UNC79: variants seen among roughly 807,000 people sequenced by gnomAD.
UNC79 encodes the protein unc-79 subunit of NALCN channel complex.
A neutral mutation model predicts 283.1 loss-of-function variants in UNC79; 37 were observed. The observed-to-expected ratio is 0.13, with a 90% confidence interval of 0.10 to 0.17. UNC79 has a LOEUF of 0.17. UNC79 is among the 10% of genes least tolerant of loss of function. The pLI, the probability that UNC79 is intolerant of heterozygous loss-of-function variation, is 1.00. For synonymous variants in UNC79, 1,107 were observed against 1,200.2 expected, an observed-to-expected ratio of 0.92 and a Z score of 1.61; for missense variants, 2,272 against 3,211.1, an observed-to-expected ratio of 0.71 and a Z score of 7.07.
chr14:93,567,211 C>T (rs1392967374), intron 14 of UNC79, among the ~76,000 whole-genome samples: 2 of 151,994 alleles, frequency 1.3e-5, no homozygotes, highest in Admixed American at 1.3e-4. Flanking sequence ...TATTTCTGTA[C>T]TCACTTTTCT....
At chr14:93,663,686 G>A (rs753059113) in intron 40 of UNC79, among the ~76,000 whole-genome samples, 1 of 152,090 alleles carries the variant, frequency 6.6e-6, no homozygotes, top group Admixed American at 6.6e-5. Context: ...CCTGCCTGGA[G>A]CAATATGTTT....
intron 7 of UNC79, among the ~76,000 whole-genome samples, chr14:93,500,152 C>T (rs1160780433): frequency 2.0e-5 from 3 of 152,166 alleles, no homozygotes; most frequent in Admixed American, 6.5e-5. Context: ...AAACTGACAG[C>T]CACTTCCACC....
chr14:93,395,887 A>G (rs1172376560), intron 1 of UNC79, among the ~76,000 whole-genome samples: 1 of 151,776 alleles, frequency 6.6e-6, no homozygotes, highest in Non-Finnish European at 1.5e-5. Flanking sequence ...CTTTGAATTT[A>G]TTCTACTTGG....
intron 1 of UNC79, among the ~76,000 whole-genome samples, chr14:93,390,055 A>T (rs914622948): frequency 6.6e-6 from 1 of 152,258 alleles, no homozygotes; most frequent in Non-Finnish European, 1.5e-5. Flanking sequence ...AACAAAGATA[A>T]AAAATTCTGA....
intron 1 of UNC79, among the ~76,000 whole-genome samples, chr14:93,387,935 C>T (rs1181389857): frequency 2.0e-5 from 3 of 152,128 alleles, no homozygotes; most frequent in Admixed American, 2.0e-4. Flanking sequence ...TATGTATTTA[C>T]AATTGTTATA....
At chr14:93,412,971 A>C (rs1234974377) in intron 1 of UNC79, among the ~76,000 whole-genome samples, 1 of 152,208 alleles carries the variant, frequency 6.6e-6, no homozygotes, top group East Asian at 1.9e-4. Context: ...GCTGATAGTT[A>C]AGTACACAAA....
At chr14:93,511,833 A>G (rs1168319499) in intron 7 of UNC79, among the ~76,000 whole-genome samples, 3 of 152,140 alleles carry the variant, frequency 2.0e-5, no homozygotes, top group African/African-American at 7.2e-5. Context: ...TGTATGTATC[A>G]TTGTTTTCTG....
intron 1 of UNC79, among the ~76,000 whole-genome samples, chr14:93,361,415 G>GT (rs1406262558): frequency 8.6e-5 from 13 of 151,244 alleles, no homozygotes; most frequent in Non-Finnish European, 2.9e-5. Context: ...GGAGGCTGAG[G>GT]TGGGAGGATT....
At chr14:93,340,571 C>CTTT (rs1182617864) in intron 1 of UNC79, among the ~76,000 whole-genome samples, 2 of 135,788 alleles carry the variant, frequency 1.5e-5, no homozygotes, top group Admixed American at 7.4e-5. Context: ...GTAGGAGAAA[C>CTTT]TTTTTTTTTT....
intron 32 of UNC79, among the ~76,000 whole-genome samples, chr14:93,639,309 C>G (rs1469954362): frequency 6.6e-6 from 1 of 152,184 alleles, no homozygotes; most frequent in Non-Finnish European, 1.5e-5. Flanking sequence ...TCAATGTGGT[C>G]TGTCAATGTT....
chr14:93,430,728 C>T lies in UNC79; in HGVS notation c.-302C>T. On this transcript the variant is annotated 5_prime_UTR_variant, in exon 1 of 49. Coordinates refer to ENST00000555664, the Ensembl canonical transcript of UNC79. The surrounding 1 kb of genome is among the most constrained non-coding windows in gnomAD (Gnocchi z 4.6). ...CACCAGGAGCCGCAGCCTGCTCTCTCCTTTCGGTCTCCCCGCCCACATCAA... is the reference window on the plus strand; with the variant it reads ...CACCAGGAGCCGCAGCCTGCTCTCTTCTTTCGGTCTCCCCGCCCACATCAA... 1 of 333,310 alleles carries T rather than the reference C, an allele frequency of 3.0e-6. No homozygotes were observed. The highest frequency in any genetic ancestry group is 4.0e-5 in the Admixed American group (1 of 24,918). The allele number at this position is 333,310 out of a possible 1,614,324, so 20.6% of individuals were successfully genotyped here. A position where few individuals can be genotyped will look rare whatever the true frequency, so the allele number is the denominator to read the frequency against.
At position 93,567,335 on chromosome 14, in the gene UNC79, C is replaced by T. The variant is rs574240788; in HGVS notation, c.1756-4559C>T. 2.0e-5 allele frequency among the ~76,000 whole-genome samples: 3 copies of T among 152,340 alleles called. No homozygotes were observed. In the South Asian group the frequency reaches 6.2e-4, roughly 32 times the overall value. ...CCGCCTCCCAGGTTCAAGCGATTCT[C>T]CTGCCTTGGCTTCCCAAGTAGCTGG... On this transcript the variant is annotated intron_variant, in intron 14 of 48. Coordinates refer to ENST00000555664, the Ensembl canonical transcript of UNC79.
chr14:93,646,580 G>C, intron 34 of UNC79, 28 bp from the exon 38 acceptor site: 1 of 1,610,278 alleles, frequency 6.2e-7, no homozygotes, highest in Non-Finnish European at 8.5e-7. Flanking sequence ...TAAGATATTT[G>C]TGTGACTCTC....
chr14:93,684,441 G>A (rs964957097), intron 42 of UNC79, among the ~76,000 whole-genome samples: 4 of 152,092 alleles, frequency 2.6e-5, no homozygotes, highest in Non-Finnish European at 5.9e-5. Context: ...AACATCATCA[G>A]GGTATTGTTT....
At position 93,341,602 on chromosome 14, in the gene UNC79, TAC is replaced by T. The variant is rs1283438249; in HGVS notation, c.-351+8081_-351+8082del. ...AAGCAAAATTGTGAGACTCTGTCTC[TAC>T]AAAAAAAAAAAAAAAAAAAATTAGC... On this transcript the variant is annotated intron_variant, in intron 1 of 49. Transcript: ENST00000256339. Among the ~76,000 whole-genome samples, 277 of 101,952 alleles carry T rather than the reference TAC, an allele frequency of 2.7e-3. 2 individuals carry two copies. In the East Asian group the frequency reaches 0.031, roughly 11 times the overall value. 66.9% of individuals were successfully genotyped at this position (101,952 alleles called of 152,430 possible). A position where few individuals can be genotyped will look rare whatever the true frequency, so the allele number is the denominator to read the frequency against.
At chr14:93,584,019 C>T (rs939135701) in intron 20 of UNC79, among the ~76,000 whole-genome samples, 20 of 152,052 alleles carry the variant, frequency 1.3e-4, no homozygotes, top group Admixed American at 6.6e-4. Flanking sequence ...GTTGCTCAGG[C>T]TGTTCTCGAA....
At chr14:93,702,575 GA>G (rs1417537320) in intron 47 of UNC79, among the ~76,000 whole-genome samples, 1 of 152,214 alleles carries the variant, frequency 6.6e-6, no homozygotes, top group African/African-American at 2.4e-5. Flanking sequence ...TCATTTTAAA[GA>G]AAATGTGATG....
At chr14:93,598,365 CGTGTGTGTGTGTGTGTGTGT>C (rs71301930) in intron 24 of UNC79, among the ~76,000 whole-genome samples, 2 of 64,020 alleles carry the variant, frequency 3.1e-5, no homozygotes, top group South Asian at 4.5e-4. Context: ...TATTGCATAA[CGTGTGTGTGTGTGTGTGTGT>C]GTGTGTGTGT....
chr14:93,692,744 G>A (rs1566934405), intron 46 of UNC79, among the ~76,000 whole-genome samples: 1 of 152,224 alleles, frequency 6.6e-6, no homozygotes, highest in Non-Finnish European at 1.5e-5. Flanking sequence ...GGTATGGCTA[G>A]CCTAAGCCCA....
Sources: gnomAD v4.1 joint callset for allele counts (sites outside exome capture counted in the v4.1 genomes callset) on GRCh38, gnomAD v4.1.1 for gene constraint, Gnocchi (gnomAD v3.1) non-coding constraint, MANE v1.5 for transcripts, NCBI Gene and HGNC (gene_info 2026-07-23, HGNC 2026-07-21) for gene names.